PINX1: variants seen among roughly 807,000 people sequenced by gnomAD.
The protein encoded by PINX1 is PIN2/TERF1-interacting telomerase inhibitor 1.
Under a neutral mutation model 25.4 loss-of-function variants are expected in PINX1, and 34 were observed. That is an observed-to-expected ratio of 1.34 (90% CI 1.02 to 1.78). The LOEUF is 1.78. Ranked by LOEUF, PINX1 falls within the 40% of genes most tolerant of loss-of-function variation. The pLI, the probability that PINX1 is intolerant of heterozygous loss-of-function variation, is 0.00. For synonymous variants in PINX1, 197 were observed against 147.7 expected, an observed-to-expected ratio of 1.33 and a Z score of -2.42; for missense variants, 592 against 404.9, an observed-to-expected ratio of 1.46 and a Z score of -3.97.
At chr8:10,814,107 C>T (rs934784433) in intron 6 of PINX1, among the ~76,000 whole-genome samples, 1 of 152,264 alleles carries the variant, frequency 6.6e-6, no homozygotes, top group Admixed American at 6.5e-5. Context: ...TCATTATCTT[C>T]GATCATTTCT....
chr8:10,766,418 T>C (rs760298748), intron 6 of PINX1, among the ~76,000 whole-genome samples: 24 of 152,308 alleles, frequency 1.6e-4, no homozygotes, highest in Admixed American at 3.9e-4. Flanking sequence ...TAACCTTCCA[T>C]GAGGACAGGA....
At chr8:10,804,585 G>A (rs892374319) in intron 6 of PINX1, among the ~76,000 whole-genome samples, 3 of 152,100 alleles carry the variant, frequency 2.0e-5, no homozygotes, top group African/African-American at 7.2e-5. Flanking sequence ...AAAACGCTCT[G>A]AAAGGATGCC....
At position 10,765,612 on chromosome 8, in the gene PINX1, T is replaced by A. The variant is rs551074047; in HGVS notation, c.776A>T (p.Glu259Val). 1.2e-6 allele frequency: 2 copies of A among 1,613,716 alleles called. No homozygotes were observed. Among genetic ancestry groups the A allele is most frequent in the Non-Finnish European group, 1.7e-6 (2 of 1,179,876 alleles). The change falls in exon 7 of 7, where the codon GAG (glutamate) becomes GTG (valine). Residue 259 changes from glutamate (E) to valine (V), a missense_variant. Glu to Val is a moderately radical substitution (Grantham distance 121, BLOSUM62 -2). Coordinates refer to ENST00000314787, the MANE Select transcript of PINX1 (RefSeq NM_017884.6). ...GTCCCAGCAGGGGCCTCTGAGCTGC[T>A]CTTCTGCTGGCGCGCTCTTCTTCTT... ...VAKKKSAPAEEQLRGPCWDQS... is the reference protein window; with the variant it reads ...VAKKKSAPAEVQLRGPCWDQS...
At chr8:10,810,364 T>G (rs747625272) in intron 6 of PINX1, among the ~76,000 whole-genome samples, 1 of 152,224 alleles carries the variant, frequency 6.6e-6, no homozygotes, top group African/African-American at 2.4e-5. Context: ...TGGCTCATGC[T>G]GCTTTTGCCT....
intron 6 of PINX1, among the ~76,000 whole-genome samples, chr8:10,806,512 A>C (rs1168299808): frequency 6.6e-6 from 1 of 152,200 alleles, no homozygotes. Flanking sequence ...AACAGTTTAT[A>C]ACATTGTGGA....
At chr8:10,803,744 G>C (rs1802345017) in intron 6 of PINX1, among the ~76,000 whole-genome samples, 1 of 152,170 alleles carries the variant, frequency 6.6e-6, no homozygotes, top group Non-Finnish European at 1.5e-5. Flanking sequence ...GTGGTACTAA[G>C]GCTGAACCAT....
At chr8:10,788,350 C>T (rs1427500876) in intron 6 of PINX1, among the ~76,000 whole-genome samples, 1 of 152,052 alleles carries the variant, frequency 6.6e-6, no homozygotes, top group Non-Finnish European at 1.5e-5. Context: ...TCACATGAGG[C>T]CAGGAGTTGG....
intron 6 of PINX1, among the ~76,000 whole-genome samples, chr8:10,793,652 G>C (rs992603645): frequency 2.0e-5 from 3 of 152,034 alleles, no homozygotes; most frequent in Admixed American, 1.3e-4. Flanking sequence ...CGCTGGAACG[G>C]GGGCATTTGT....
intron 6 of PINX1, among the ~76,000 whole-genome samples, chr8:10,815,846 T>C (rs1797679920): frequency 6.6e-6 from 1 of 152,022 alleles, no homozygotes; most frequent in Non-Finnish European, 1.5e-5. Context: ...CTACAAGGAG[T>C]TCTCTAAAGA....
At chr8:10,835,251 C>A (rs77559025) in intron 1 of PINX1, among the ~76,000 whole-genome samples, 24,492 of 152,174 alleles carry the variant, frequency 0.16, 2,495 homozygotes, top group Non-Finnish European at 0.23. Context: ...CTGCTCCAAA[C>A]GCTGTACATA....
In PINX1 at chr8:10,830,854, C is replaced by G. The variant is rs114633479; in HGVS notation, c.301+811G>C. ...ATATGGAGAAATTGGAACTCTTATG[C>G]ACTGTTGATGTAGCCACTACAGAAA... On this transcript the variant is annotated intron_variant, in intron 4 of 6. Transcript: ENST00000314787. Among the ~76,000 whole-genome samples the G allele has an allele frequency of 8.0e-3, 1,214 of 152,276 alleles. 15 individuals are homozygous for G. Among genetic ancestry groups the G allele is most frequent in the African/African-American group, 0.028 (1,148 of 41,542 alleles).
At chr8:10,797,217 T>A (rs1802112375) in intron 6 of PINX1, among the ~76,000 whole-genome samples, 1 of 152,226 alleles carries the variant, frequency 6.6e-6, no homozygotes, top group Admixed American at 6.5e-5. Context: ...TTTGTCAGCT[T>A]CCTCATGAGT....
At chr8:10,837,445 T>G (rs550284971) in intron 1 of PINX1, among the ~76,000 whole-genome samples, 2 of 152,338 alleles carry the variant, frequency 1.3e-5, no homozygotes, top group South Asian at 4.1e-4. Flanking sequence ...GTAATAAATC[T>G]TAGCAGTGAG....
intron 6 of PINX1, among the ~76,000 whole-genome samples, chr8:10,770,769 T>A (rs1586129193): frequency 6.6e-6 from 1 of 152,234 alleles, no homozygotes; most frequent in African/African-American, 2.4e-5. Flanking sequence ...CCCCTACTTA[T>A]GATCAACATG....
At chr8:10,804,786 C>T (rs1368210150) in intron 6 of PINX1, among the ~76,000 whole-genome samples, 1 of 151,540 alleles carries the variant, frequency 6.6e-6, no homozygotes, top group Admixed American at 6.6e-5. Flanking sequence ...ACTCAAGATC[C>T]AACAACTCTA....
At chr8:10,807,620 C>T (rs1354384488) in intron 6 of PINX1, among the ~76,000 whole-genome samples, 1 of 152,118 alleles carries the variant, frequency 6.6e-6, no homozygotes, top group Non-Finnish European at 1.5e-5. Flanking sequence ...ATAAACAGGT[C>T]TGTGCTAAGG....
chr8:10,823,732 G>A (rs1797947402), intron 5 of PINX1, among the ~76,000 whole-genome samples: 1 of 152,158 alleles, frequency 6.6e-6, no homozygotes, highest in African/African-American at 2.4e-5. Context: ...GGAGGCTAAG[G>A]CAGGACGATC....
At chr8:10,821,606 A>C (rs142468188) in intron 5 of PINX1, among the ~76,000 whole-genome samples, 4 of 152,334 alleles carry the variant, frequency 2.6e-5, no homozygotes, top group Non-Finnish European at 4.4e-5. Flanking sequence ...TGAACCGGGA[A>C]AGTGGGGAAG....
rs777912560 is a variant in PINX1 at position 10,826,137 on chromosome 8, A to T, written c.394+15T>A. The T allele has an allele frequency of 3.2e-5, 46 of 1,418,546 alleles. No homozygotes were observed. Among genetic ancestry groups the T allele is most frequent in the Non-Finnish European group, 4.4e-5 (45 of 1,018,992 alleles). The allele number at this position is 1,418,546 out of a possible 1,614,324, so 87.9% of individuals were successfully genotyped here. A position where few individuals can be genotyped will look rare whatever the true frequency, so the allele number is the denominator to read the frequency against. On this transcript the variant is annotated intron_variant, in intron 5 of 6. Coordinates refer to ENST00000314787, the MANE Select transcript of PINX1 (RefSeq NM_017884.6). Reference sequence around the variant, plus strand: ...CGTAGATTTCAATAACAAGTAAAGAAATGCTTAATCTTACCTTTTGTGAAT... The same window carrying T: ...CGTAGATTTCAATAACAAGTAAAGATATGCTTAATCTTACCTTTTGTGAAT...
Sources: allele counts gnomAD v4.1 joint callset (sites outside exome capture counted in the v4.1 genomes callset), GRCh38; gene constraint gnomAD v4.1.1; transcripts MANE v1.5; gene names NCBI Gene and HGNC (gene_info 2026-07-23, HGNC 2026-07-21).